GRIN2A: variants seen among roughly 807,000 people sequenced by gnomAD.
The protein encoded by GRIN2A is glutamate ionotropic receptor NMDA type subunit 2A, also known as glutamate receptor ionotropic, NMDA 2A.
Under a neutral mutation model 113.4 loss-of-function variants are expected in GRIN2A, and 22 were observed. The observed-to-expected ratio is 0.19, with a 90% CI of 0.14 to 0.28. The LOEUF (loss-of-function observed/expected upper bound fraction) is 0.28, where lower values mean the gene tolerates loss of function less well. GRIN2A is among the 10% of genes least tolerant of loss of function. The pLI is 1.00. For missense variants in GRIN2A, 1,502 were observed against 1,887.0 expected, an observed-to-expected ratio of 0.80 and a Z score of 3.78; for synonymous variants, 827 against 738.4, an observed-to-expected ratio of 1.12 and a Z score of -1.94.
intron 2 of GRIN2A, among the ~76,000 whole-genome samples, chr16:9,963,386 A>T (rs2045481514): frequency 6.6e-6 from 1 of 151,856 alleles, no homozygotes; most frequent in African/African-American, 2.4e-5. Flanking sequence ...TCTATATTTT[A>T]AGCCCCGCAT....
intron 4 of GRIN2A, among the ~76,000 whole-genome samples, chr16:9,886,736 C>T (rs970330429): frequency 3.3e-5 from 5 of 152,002 alleles, no homozygotes; most frequent in South Asian, 2.1e-4. Flanking sequence ...GTCAGGGCTC[C>T]GGTGGATCAA....
chr16:9,857,833 A>C (rs1269097646), intron 4 of GRIN2A, among the ~76,000 whole-genome samples: 1 of 152,266 alleles, frequency 6.6e-6, no homozygotes, highest in Non-Finnish European at 1.5e-5. Flanking sequence ...TTTTAACTTC[A>C]TAAGAGCTTT....
intron 11 of GRIN2A, among the ~76,000 whole-genome samples, chr16:9,770,065 TTC>T (rs1395334617): frequency 1.2e-4 from 18 of 152,246 alleles, no homozygotes; most frequent in African/African-American, 4.3e-4. Flanking sequence ...CTTAGAATTA[TTC>T]TGTCCCTCTT....
intron 2 of GRIN2A, among the ~76,000 whole-genome samples, chr16:10,000,031 T>G (rs1473577832): frequency 6.6e-6 from 1 of 152,118 alleles, no homozygotes; most frequent in Non-Finnish European, 1.5e-5. Flanking sequence ...CTGAGCACCC[T>G]CATTATTCCA....
chr16:9,986,601 A>G (rs993650964), intron 2 of GRIN2A, among the ~76,000 whole-genome samples: 7 of 151,716 alleles, frequency 4.6e-5, no homozygotes, highest in African/African-American at 7.3e-5. Flanking sequence ...CGTCTCTACT[A>G]AAAAATACAA....
intron 2 of GRIN2A, among the ~76,000 whole-genome samples, chr16:9,990,229 C>G (rs12933451): frequency 0.27 from 40,544 of 151,976 alleles, 6,330 homozygotes; most frequent in Non-Finnish European, 0.34. Flanking sequence ...ATGTCCTTTC[C>G]AGCAGTATGG....
chr16:9,915,473 G>A (rs2141564791), intron 3 of GRIN2A, among the ~76,000 whole-genome samples: 1 of 152,308 alleles, frequency 6.6e-6, no homozygotes. Flanking sequence ...CAGCTTTATG[G>A]TAAGATTATT....
intron 2 of GRIN2A, among the ~76,000 whole-genome samples, chr16:10,172,265 T>A (rs150942786): frequency 6.6e-6 from 1 of 152,354 alleles, no homozygotes; most frequent in African/African-American, 2.4e-5. Flanking sequence ...TTTTCTTGGA[T>A]CTTCCAACTC....
intron 11 of GRIN2A, among the ~76,000 whole-genome samples, chr16:9,773,191 C>T (rs1901386358): frequency 6.6e-6 from 1 of 152,138 alleles, no homozygotes; most frequent in Non-Finnish European, 1.5e-5. Context: ...TTTTCTGTTT[C>T]TGTTTCTTTT....
intron 12 of GRIN2A, among the ~76,000 whole-genome samples, chr16:9,767,235 T>G (rs1248848613): frequency 6.6e-6 from 1 of 152,208 alleles, no homozygotes; most frequent in Non-Finnish European, 1.5e-5. Context: ...AACCCGAGTT[T>G]GGAGTGCAAG....
At position 10,052,611 on chromosome 16, in the gene GRIN2A, G is replaced by A. The variant is rs536631193; in HGVS notation, c.415-114060C>T. 9.2e-5 allele frequency among the ~76,000 whole-genome samples: 14 copies of A among 152,240 alleles called. No homozygotes were observed. In the East Asian group the frequency reaches 1.9e-3, roughly 21 times the overall value. On this transcript the variant is annotated intron_variant, in intron 2 of 12. Coordinates refer to ENST00000330684, the MANE Select transcript of GRIN2A (RefSeq NM_001134407.3). ...GTAAGTGTGACCAGGGCTGGCTGGC[G>A]GTAAAGACCTCCCGGAAAATGTAGG...
intron 2 of GRIN2A, among the ~76,000 whole-genome samples, chr16:10,039,808 G>GAGAAAGAGAGAGA (rs373952509): frequency 1.6e-5 from 1 of 63,812 alleles, no homozygotes; most frequent in Non-Finnish European, 2.9e-5. Context: ...GGGAGGGGGG[G>GAGAAAGAGAGAGA]GAGAAAGAGA....
chr16:10,031,912 CCA>C (rs1567246760), intron 2 of GRIN2A, among the ~76,000 whole-genome samples: 4 of 152,218 alleles, frequency 2.6e-5, no homozygotes, highest in Admixed American at 2.6e-4. Flanking sequence ...GGGCCTATGC[CCA>C]GTCTCTTTCC....
rs1351555624 is a variant in GRIN2A, at chr16:9,834,338, A to G, written c.1652-108T>C. The G allele has an allele frequency of 3.1e-6, 3 of 981,310 alleles. No individual in the cohort carries two copies. In the Admixed American group the frequency reaches 5.2e-5, roughly 17 times the overall value. The allele number at this position is 981,310 out of a possible 1,614,324, so 60.8% of individuals were successfully genotyped here. ...CAGGCTCGCCAAAAATATTTTCTCT[A>G]ATTTGAATCTGATCCTTCAAAAGAA... is the stretch of plus-strand genomic sequence containing the variant. On this transcript the variant is annotated intron_variant, in intron 7 of 12. Transcript: ENST00000330684.
intron 4 of GRIN2A, among the ~76,000 whole-genome samples, chr16:9,883,326 T>A (rs1246552162): frequency 6.6e-6 from 1 of 152,146 alleles, no homozygotes; most frequent in African/African-American, 2.4e-5. Context: ...GTGGTGAAGC[T>A]GAAAAAACAC....
At chr16:10,040,725 A>G (rs747581027) in intron 2 of GRIN2A, among the ~76,000 whole-genome samples, 11 of 152,194 alleles carry the variant, frequency 7.2e-5, no homozygotes, top group Non-Finnish European at 1.6e-4. Context: ...CCATAGGCAC[A>G]CTGCACACAC....
chr16:9,902,636 C>T (rs577484850), intron 3 of GRIN2A, among the ~76,000 whole-genome samples: 2 of 152,302 alleles, frequency 1.3e-5, no homozygotes, highest in South Asian at 4.1e-4. Flanking sequence ...GGTGCACCAG[C>T]ACTCATTTAA....
At chr16:9,941,927 AG>A (rs2044889118) in intron 2 of GRIN2A, among the ~76,000 whole-genome samples, 1 of 152,174 alleles carries the variant, frequency 6.6e-6, no homozygotes, top group South Asian at 2.1e-4. Flanking sequence ...TCGTACAGGT[AG>A]AAAATCAGGT....
intron 10 of GRIN2A, among the ~76,000 whole-genome samples, chr16:9,799,271 C>T (rs1192773483): frequency 6.6e-6 from 1 of 152,158 alleles, no homozygotes; most frequent in Non-Finnish European, 1.5e-5. Flanking sequence ...TGGCTGCCGT[C>T]CTTATTAAAA....
Sources: allele counts gnomAD v4.1 joint callset (sites outside exome capture counted in the v4.1 genomes callset), GRCh38; gene constraint gnomAD v4.1.1; transcripts MANE v1.5; gene names NCBI Gene and HGNC (gene_info 2026-07-23, HGNC 2026-07-21).